Variants in TBC1D5 observed in about 807,000 individuals in gnomAD.
TBC1D5 encodes the protein TBC1 domain family member 5, also known as TBC1 domain family, member 5.
A neutral mutation model predicts 100.3 loss-of-function variants in TBC1D5; 75 were observed. The observed-to-expected ratio is 0.75, with a 90% CI of 0.62 to 0.91. TBC1D5 has a LOEUF of 0.91. TBC1D5 is among the 40% of genes least tolerant of loss of function. TBC1D5 has a pLI of 0.00. For missense variants in TBC1D5, 910 were observed against 942.4 expected (o/e 0.97, Z 0.45); for synonymous variants, 323 against 325.6 (o/e 0.99, Z 0.09).
At chr3:17,375,427 C>T (rs907488716) in intron 10 of TBC1D5, among the ~76,000 whole-genome samples, 2 of 151,802 alleles carry the variant, frequency 1.3e-5, no homozygotes, top group African/African-American at 2.4e-5. Context: ...ATTAGCTGGG[C>T]GAGGTGGTGC....
intron 1 of TBC1D5, among the ~76,000 whole-genome samples, chr3:17,662,147 C>A (rs1407919249): frequency 6.6e-6 from 1 of 152,208 alleles, no homozygotes; most frequent in Non-Finnish European, 1.5e-5. Context: ...CTCACCTTGG[C>A]ATCCCAAAGC....
At chr3:17,700,258 G>C (rs570300880) in intron 1 of TBC1D5, among the ~76,000 whole-genome samples, 1 of 152,052 alleles carries the variant, frequency 6.6e-6, no homozygotes, top group African/African-American at 2.4e-5. Context: ...AATGGTGCTG[G>C]GAAAACTGGC....
At chr3:17,167,056 T>TC in intron 20 of TBC1D5, 128 bp from the exon 22 acceptor site, 2 of 920,946 alleles carry the variant, frequency 2.2e-6, no homozygotes, top group Non-Finnish European at 3.1e-6. Flanking sequence ...ATATTAATAT[T>TC]TTACTATAAG....
At chr3:17,372,772 A>G (rs927181995) in intron 12 of TBC1D5, among the ~76,000 whole-genome samples, 1 of 152,230 alleles carries the variant, frequency 6.6e-6, no homozygotes, top group Non-Finnish European at 1.5e-5. Flanking sequence ...ACTTGCCAAG[A>G]ACAAAAGGTT....
At chr3:17,248,778 C>T (rs1202725688) in intron 16 of TBC1D5, among the ~76,000 whole-genome samples, 1 of 152,150 alleles carries the variant, frequency 6.6e-6, no homozygotes, top group African/African-American at 2.4e-5. Flanking sequence ...CACTGATCCT[C>T]CTCTCTGGCT....
At chr3:17,469,578 A>T (rs938248269) in intron 3 of TBC1D5, among the ~76,000 whole-genome samples, 31 of 152,172 alleles carry the variant, frequency 2.0e-4, no homozygotes, top group Non-Finnish European at 4.0e-4. Context: ...AGTAAAACGC[A>T]TCTTTACTTA....
chr3:17,722,806 G>C (rs1164491047), intron 1 of TBC1D5, among the ~76,000 whole-genome samples: 1 of 152,198 alleles, frequency 6.6e-6, no homozygotes, highest in African/African-American at 2.4e-5. Context: ...TTTAAGGTCT[G>C]TTTGCTCTTC....
chr3:17,692,446 GAATT>G (rs1332246339), intron 1 of TBC1D5, among the ~76,000 whole-genome samples: 1 of 151,962 alleles, frequency 6.6e-6, no homozygotes, highest in Non-Finnish European at 1.5e-5. Context: ...AAGAATTAGT[GAATT>G]AATTCTTAAA....
intron 16 of TBC1D5, among the ~76,000 whole-genome samples, chr3:17,240,343 C>A (rs2076205562): frequency 6.6e-6 from 1 of 152,084 alleles, no homozygotes; most frequent in African/African-American, 2.4e-5. Context: ...CAAATGGTTC[C>A]TTTGGCATCA....
chr3:17,714,128 T>C (rs1018260193), intron 1 of TBC1D5, among the ~76,000 whole-genome samples: 2 of 152,196 alleles, frequency 1.3e-5, no homozygotes, highest in African/African-American at 4.8e-5. Context: ...ATTTGGAAAT[T>C]ATTGTGTATA....
intron 21 of TBC1D5, among the ~76,000 whole-genome samples, chr3:17,165,186 C>T (rs1033208676): frequency 3.3e-5 from 5 of 152,080 alleles, no homozygotes; most frequent in Admixed American, 6.5e-5. Flanking sequence ...TGGGGTCCAC[C>T]GGGGCAGCAG....
At chr3:17,510,018 G>A (rs547971497) in intron 2 of TBC1D5, among the ~76,000 whole-genome samples, 1 of 152,008 alleles carries the variant, frequency 6.6e-6, no homozygotes, top group Admixed American at 6.6e-5. Flanking sequence ...CATAAACCAA[G>A]TTCACCAATT....
intron 9 of TBC1D5, among the ~76,000 whole-genome samples, chr3:17,377,500 G>C (rs2092756187): frequency 6.6e-6 from 1 of 152,032 alleles, no homozygotes; most frequent in Non-Finnish European, 1.5e-5. Context: ...GTCTCTTAAA[G>C]TGAGCAAATT....
intron 2 of TBC1D5, among the ~76,000 whole-genome samples, chr3:17,596,328 T>C (rs2060561980): frequency 6.7e-6 from 1 of 149,714 alleles, no homozygotes; most frequent in African/African-American, 2.5e-5. Flanking sequence ...TTTTTTTTTT[T>C]TTTTTTTCCG....
intron 2 of TBC1D5, among the ~76,000 whole-genome samples, chr3:17,591,724 C>G (rs2060240679): frequency 6.6e-6 from 1 of 152,182 alleles, no homozygotes; most frequent in South Asian, 2.1e-4. Context: ...GCTGAACCCC[C>G]ACATTGGCTG....
intron 8 of TBC1D5, among the ~76,000 whole-genome samples, chr3:17,395,294 T>TA (rs1436450452): frequency 6.6e-6 from 1 of 151,900 alleles, no homozygotes; most frequent in Non-Finnish European, 1.5e-5. Context: ...ACCATAATGG[T>TA]AAAAAATTAG....
chr3:17,698,680 C>T (rs1451249905), intron 1 of TBC1D5, among the ~76,000 whole-genome samples: 1 of 148,748 alleles, frequency 6.7e-6, no homozygotes, highest in Non-Finnish European at 1.5e-5. Context: ...CTACAATGAA[C>T]TCAAACAAAT....
At chr3:17,189,622 G>A (rs751340741) in intron 18 of TBC1D5, among the ~76,000 whole-genome samples, 3 of 152,084 alleles carry the variant, frequency 2.0e-5, no homozygotes, top group Non-Finnish European at 4.4e-5. Context: ...CATTATCTCC[G>A]ACATAAAATA....
chr3:17,429,123 G>A (rs561067104), intron 3 of TBC1D5, among the ~76,000 whole-genome samples: 9 of 151,704 alleles, frequency 5.9e-5, no homozygotes, highest in African/African-American at 1.9e-4. Context: ...AACATCAAAA[G>A]GTATTTGTCT....
Sources: allele counts gnomAD v4.1 joint callset (sites outside exome capture counted in the v4.1 genomes callset), GRCh38; gene constraint gnomAD v4.1.1; transcripts MANE v1.5; gene names NCBI Gene and HGNC (gene_info 2026-07-23, HGNC 2026-07-21).